NAV2: variants seen among roughly 807,000 people sequenced by gnomAD.
NAV2 encodes helicase, APC down-regulated 1.
In NAV2, 54 loss-of-function variants were observed where a neutral mutation model predicts 223.2. The observed-to-expected ratio is 0.24, with a 90% CI of 0.19 to 0.30. NAV2 has a LOEUF of 0.30. Ranked by LOEUF, NAV2 falls within the 10% of genes least tolerant of loss-of-function variation. The probability of loss-of-function intolerance (pLI) is 1.00; values close to 1 mark genes in which losing one functional copy is unlikely to be tolerated. For synonymous variants in NAV2, 1,279 were observed against 1,239.3 expected, an observed-to-expected ratio of 1.03 and a Z score of -0.67; for missense variants, 2,806 against 3,147.5, an observed-to-expected ratio of 0.89 and a Z score of 2.60.
At chr11:19,429,960 T>C (rs927352121) in intron 1 of NAV2, among the ~76,000 whole-genome samples, 3 of 152,238 alleles carry the variant, frequency 2.0e-5, no homozygotes, top group African/African-American at 7.2e-5. Flanking sequence ...CAGCCTCATC[T>C]TGAGTAATTA....
chr11:19,519,903 C>T (rs1301611885), intron 1 of NAV2: 6 of 152,192 alleles, frequency 3.9e-5, no homozygotes, highest in Admixed American at 3.9e-4. Flanking sequence ...ATCTGTGAAG[C>T]GCGTTTGAGA....
chr11:19,733,889 C>T (rs112376519), intron 1 of NAV2, among the ~76,000 whole-genome samples: 251 of 152,118 alleles, frequency 1.7e-3, no homozygotes, highest in African/African-American at 5.6e-3. Context: ...TGATGGTTAA[C>T]GTGTATTGAA....
intron 1 of NAV2, among the ~76,000 whole-genome samples, chr11:19,370,456 A>T (rs1050103862): frequency 2.0e-5 from 3 of 152,184 alleles, no homozygotes; most frequent in Non-Finnish European, 4.4e-5. Flanking sequence ...GTGTCATCTG[A>T]TGTGGAAGAC....
intron 1 of NAV2, among the ~76,000 whole-genome samples, chr11:19,552,669 A>G (rs1302862191): frequency 6.6e-6 from 1 of 152,220 alleles, no homozygotes; most frequent in Non-Finnish European, 1.5e-5. Flanking sequence ...TCAGCCTCAC[A>G]GACATTATAG....
At chr11:19,458,311 C>G (rs1037753975) in intron 1 of NAV2, among the ~76,000 whole-genome samples, 1 of 152,186 alleles carries the variant, frequency 6.6e-6, no homozygotes, top group Non-Finnish European at 1.5e-5. Context: ...TCCCAGAGCC[C>G]CTTCCCACAG....
chr11:19,538,706 A>G (rs1200379984), intron 1 of NAV2, among the ~76,000 whole-genome samples: 2 of 151,426 alleles, frequency 1.3e-5, no homozygotes, highest in East Asian at 1.9e-4. Context: ...GTCATAGTCT[A>G]TGTGTTTGTG....
chr11:20,061,023 T>G (rs1340715438), intron 19 of NAV2, among the ~76,000 whole-genome samples: 1 of 152,198 alleles, frequency 6.6e-6, no homozygotes, highest in Non-Finnish European at 1.5e-5. Flanking sequence ...TTAGTACACG[T>G]GGAAGTTACC....
At chr11:19,497,526 C>G (rs2042835156) in intron 1 of NAV2, among the ~76,000 whole-genome samples, 3 of 152,146 alleles carry the variant, frequency 2.0e-5, no homozygotes. Context: ...CTTGGCTTTT[C>G]ATGGCCTCGC....
chr11:19,654,321 GTAATTTACAGA>G (rs761340382), intron 1 of NAV2, among the ~76,000 whole-genome samples: 197 of 152,308 alleles, frequency 1.3e-3, no homozygotes, highest in Non-Finnish European at 2.4e-3. Context: ...ACTGCCAAAG[GTAATTTACAGA>G]TTCAATGCCA....
At chr11:19,419,638 C>G (rs1368411461) in intron 1 of NAV2, among the ~76,000 whole-genome samples, 1 of 152,156 alleles carries the variant, frequency 6.6e-6, no homozygotes, top group Non-Finnish European at 1.5e-5. Context: ...CAAGGATCTT[C>G]CATTTGTTTA....
At chr11:19,349,341 TC>T (rs1274323701), upstream of NAV2, among the ~76,000 whole-genome samples, 1 of 151,962 alleles carries the variant, frequency 6.6e-6, no homozygotes. Context: ...CTCCTCCTCC[TC>T]CCCCCTCACA....
chr11:19,765,426 C>T (rs893340372), intron 1 of NAV2, among the ~76,000 whole-genome samples: 5 of 148,712 alleles, frequency 3.4e-5, no homozygotes, highest in Non-Finnish European at 5.9e-5. Context: ...TCCCTCTCTC[C>T]TCCTCCTCCT....
intron 1 of NAV2, among the ~76,000 whole-genome samples, chr11:19,392,506 G>A (rs1217108795): frequency 6.6e-6 from 1 of 152,056 alleles, no homozygotes; most frequent in African/African-American, 2.4e-5. Context: ...TGGGCTACAT[G>A]TGGCCTGTCC....
chr11:19,426,749 A>G (rs1389780448), intron 1 of NAV2, among the ~76,000 whole-genome samples: 1 of 151,948 alleles, frequency 6.6e-6, no homozygotes, highest in Non-Finnish European at 1.5e-5. Flanking sequence ...GACTCCTCCC[A>G]CAACTGCTGT....
At chr11:19,916,545 GTGTC>G (rs1461822617) in intron 6 of NAV2, among the ~76,000 whole-genome samples, 1 of 152,076 alleles carries the variant, frequency 6.6e-6, no homozygotes, top group Non-Finnish European at 1.5e-5. Context: ...TGATCTAATC[GTGTC>G]TGTCTAACCC....
intron 1 of NAV2, among the ~76,000 whole-genome samples, chr11:19,732,001 T>C (rs1254274433): frequency 6.6e-6 from 1 of 152,204 alleles, no homozygotes; most frequent in South Asian, 2.1e-4. Flanking sequence ...ATTAAGAGTA[T>C]GGGCTGGGAG....
chr11:19,933,830 T>C lies in NAV2; in HGVS notation c.1586T>C (p.Val529Ala). ...EPKEDPSGAA[V>A]PEMPKKSSKI... ...AAAGAAGACCCCAGTGGAGCAGCTGTGCCCGAGATGCCAAAAAAGTCCTCC... is the reference window on the plus strand; with the variant it reads ...AAAGAAGACCCCAGTGGAGCAGCTGCGCCCGAGATGCCAAAAAAGTCCTCC... The change falls in exon 7 of 38, where the codon GTG becomes GCG. Residue 529 changes from valine to alanine, a missense_variant. Physicochemically the swap from Val to Ala is moderately conservative, Grantham distance 64. Coordinates refer to ENST00000349880, the MANE Select transcript of NAV2 (RefSeq NM_145117.5). The surrounding 1 kb of genome is among the most constrained non-coding windows in gnomAD (Gnocchi z 4.3). The C allele has an allele frequency of 6.2e-7, 1 of 1,609,912 alleles. No homozygotes were observed. The highest frequency in any genetic ancestry group is 8.5e-7 in the Non-Finnish European group (1 of 1,178,912).
chr11:19,754,130 T>C (rs539253301), intron 1 of NAV2, among the ~76,000 whole-genome samples: 17 of 152,336 alleles, frequency 1.1e-4, no homozygotes, highest in African/African-American at 4.1e-4. Flanking sequence ...TAGTCCAGGA[T>C]ACAATGACCA....
chr11:19,695,946 T>C (rs74892790), intron 1 of NAV2, among the ~76,000 whole-genome samples: 1 of 91,194 alleles, frequency 1.1e-5, no homozygotes, highest in East Asian at 4.1e-4. Context: ...TTTTTTTTTT[T>C]TCTAATCCTG....
Sources: allele counts gnomAD v4.1 joint callset (sites outside exome capture counted in the v4.1 genomes callset), GRCh38; gene constraint gnomAD v4.1.1; non-coding constraint Gnocchi (gnomAD v3.1); transcripts MANE v1.5; gene names NCBI Gene and HGNC (gene_info 2026-07-23, HGNC 2026-07-21).